CSMD1: variants seen among roughly 807,000 people sequenced by gnomAD.
CSMD1 encodes the protein CUB and sushi domain-containing protein 1.
Under a neutral mutation model 417.5 loss-of-function variants are expected in CSMD1, and 213 were observed. The ratio of observed to expected loss-of-function variants is 0.51; its 90% confidence interval spans 0.46 to 0.57. The LOEUF is 0.57. Ranked by LOEUF, CSMD1 falls within the 20% of genes least tolerant of loss-of-function variation. The pLI is 0.00. For synonymous variants in CSMD1, 2,862 were observed against 1,736.8 expected (o/e 1.65, Z -16.11); for missense variants, 6,923 against 4,529.7 (o/e 1.53, Z -15.17).
chr8:4,108,662 A>C, intron 3 of CSMD1, among the ~76,000 whole-genome samples: 1 of 152,312 alleles, frequency 6.6e-6, no homozygotes, highest in South Asian at 2.1e-4. Flanking sequence ...GACACTTTCG[A>C]CAAATTATTT....
intron 28 of CSMD1, among the ~76,000 whole-genome samples, chr8:3,222,288 A>G (rs1798263735): frequency 6.6e-6 from 1 of 151,866 alleles, no homozygotes; most frequent in Non-Finnish European, 1.5e-5. Flanking sequence ...GGAGGGAGGA[A>G]ACTCCTACTA....
intron 11 of CSMD1, among the ~76,000 whole-genome samples, chr8:3,484,895 G>C (rs1448977411): frequency 6.6e-6 from 1 of 152,184 alleles, no homozygotes; most frequent in African/African-American, 2.4e-5. Context: ...ACAACTTTTG[G>C]AGCAGAAAAA....
rs147635167 is a variant in CSMD1 at position 4,684,091 on chromosome 8, T to C, written c.86-46533A>G. Among the ~76,000 whole-genome samples, 399 of 152,322 alleles carry C rather than the reference T, an allele frequency of 2.6e-3. 4 individuals carry two copies. The highest frequency in any genetic ancestry group is 9.3e-3 in the African/African-American group (388 of 41,572). On this transcript the variant is annotated intron_variant, in intron 1 of 69. Coordinates refer to ENST00000635120, the MANE Select transcript of CSMD1 (RefSeq NM_033225.6). The stretch of plus-strand genomic sequence containing the variant: ...GAACATTTAAAAATCCAGGGAATTT[T>C]GTACAAGTGAAAAAGCATATTACAT...
rs113055677 is a variant in CSMD1 at position 2,963,987 on chromosome 8, G to T, written c.9281-592C>A. 2.1e-3 allele frequency among the ~76,000 whole-genome samples: 320 copies of T among 152,302 alleles called. 1 individual carries two copies. Among genetic ancestry groups the T allele is most frequent in the African/African-American group, 7.4e-3 (307 of 41,552 alleles). Reference sequence around the variant, plus strand: ...GGGGCTGAGAAGCAAGCACGTGGTTGCTAGGGAGGATTTCCCCGAGGGTGA... The same window carrying T: ...GGGGCTGAGAAGCAAGCACGTGGTTTCTAGGGAGGATTTCCCCGAGGGTGA... On this transcript the variant is annotated intron_variant, in intron 59 of 69. Transcript: ENST00000635120.
chr8:3,589,854 C>T (rs1232781911), intron 8 of CSMD1, among the ~76,000 whole-genome samples: 2 of 152,054 alleles, frequency 1.3e-5, no homozygotes, highest in East Asian at 1.9e-4. Context: ...TCATGTACAC[C>T]ATAAATATCT....
intron 5 of CSMD1, among the ~76,000 whole-genome samples, chr8:3,784,499 T>A (rs559167714): frequency 3.3e-5 from 5 of 152,320 alleles, no homozygotes; most frequent in African/African-American, 1.2e-4. Flanking sequence ...GCACTTATTT[T>A]TGGACTTGCT....
chr8:4,278,910 A>G (rs1563378788), intron 3 of CSMD1, among the ~76,000 whole-genome samples: 2 of 152,214 alleles, frequency 1.3e-5, no homozygotes, highest in Non-Finnish European at 2.9e-5. Context: ...CTTCTCTGAA[A>G]GTAACAAGCC....
At chr8:3,784,914 T>C (rs1584993721) in intron 5 of CSMD1, among the ~76,000 whole-genome samples, 2 of 152,344 alleles carry the variant, frequency 1.3e-5, no homozygotes, top group Non-Finnish European at 2.9e-5. Flanking sequence ...ATTTTTGTGG[T>C]CAAAACAAGT....
At chr8:4,388,612 G>C (rs1197594573) in intron 3 of CSMD1, among the ~76,000 whole-genome samples, 1 of 152,064 alleles carries the variant, frequency 6.6e-6, no homozygotes, top group African/African-American at 2.4e-5. Flanking sequence ...ATACTGCTCA[G>C]GTGGTGGGTG....
chr8:4,480,983 G>C (rs1305098020), intron 2 of CSMD1, among the ~76,000 whole-genome samples: 1 of 152,124 alleles, frequency 6.6e-6, no homozygotes, highest in Non-Finnish European at 1.5e-5. Context: ...CTTTGGTGCA[G>C]TGATTTTTGA....
chr8:4,059,941 C>T (rs1486163315), intron 3 of CSMD1, among the ~76,000 whole-genome samples: 3 of 152,072 alleles, frequency 2.0e-5, no homozygotes, highest in South Asian at 2.1e-4. Context: ...TAACTCATTT[C>T]ATGAGGCCAG....
At chr8:4,828,249 A>G (rs190858926) in intron 1 of CSMD1, among the ~76,000 whole-genome samples, 1 of 152,312 alleles carries the variant, frequency 6.6e-6, no homozygotes. Context: ...ATATGAAAAG[A>G]TATGTTCCAT....
At chr8:4,084,029 CA>C (rs532672043) in intron 3 of CSMD1, among the ~76,000 whole-genome samples, 23 of 151,936 alleles carry the variant, frequency 1.5e-4, no homozygotes, top group Non-Finnish European at 3.1e-4. Context: ...AAGAAGTGGG[CA>C]AAAAAACCCT....
At chr8:3,852,153 C>T (rs555257409) in intron 5 of CSMD1, among the ~76,000 whole-genome samples, 1 of 152,126 alleles carries the variant, frequency 6.6e-6, no homozygotes, top group Non-Finnish European at 1.5e-5. Flanking sequence ...TATAAGAATA[C>T]TTGATTCTAC....
intron 5 of CSMD1, among the ~76,000 whole-genome samples, chr8:3,926,126 C>G (rs995688414): frequency 7.7e-6 from 1 of 130,446 alleles, no homozygotes; most frequent in South Asian, 2.3e-4. Flanking sequence ...CACACACACA[C>G]ACACACTTGT....
At chr8:4,546,746 T>C (rs565604287) in intron 2 of CSMD1, among the ~76,000 whole-genome samples, 1 of 152,180 alleles carries the variant, frequency 6.6e-6, no homozygotes, top group South Asian at 2.1e-4. Flanking sequence ...ATAATAAATA[T>C]ATATGTGTAT....
intron 3 of CSMD1, among the ~76,000 whole-genome samples, chr8:4,099,144 G>T (rs1181788149): frequency 2.0e-5 from 3 of 150,334 alleles, no homozygotes; most frequent in Non-Finnish European, 3.0e-5. Context: ...CTTCTTTCAG[G>T]CCCCAACCAT....
In CSMD1 at chr8:4,396,308, A is replaced by AG. The variant is rs113800379; in HGVS notation, c.415+23644_415+23645insC. 5.9e-3 allele frequency among the ~76,000 whole-genome samples: 891 copies of AG among 151,952 alleles called. 7 individuals carry two copies. The highest frequency in any genetic ancestry group is 0.021 in the African/African-American group (860 of 41,418). On this transcript the variant is annotated intron_variant, in intron 3 of 69. Transcript: ENST00000635120. ...GAGACATCATCTCTTAAAAGTAAAA[A>AG]AAAAAAAAAATAGCCAGGCATGGTA...
At chr8:4,895,446 A>G (rs1185240035) in intron 1 of CSMD1, among the ~76,000 whole-genome samples, 5 of 152,108 alleles carry the variant, frequency 3.3e-5, no homozygotes, top group African/African-American at 1.2e-4. Flanking sequence ...TGTGATATCA[A>G]CATTGTTATT....
Sources: allele counts gnomAD v4.1 joint callset (sites outside exome capture counted in the v4.1 genomes callset), GRCh38; gene constraint gnomAD v4.1.1; transcripts MANE v1.5; gene names NCBI Gene and HGNC (gene_info 2026-07-23, HGNC 2026-07-21).